CNTN6: variants seen among roughly 807,000 people sequenced by gnomAD.
CNTN6 encodes the protein contactin 6.
Under a neutral mutation model 122.8 loss-of-function variants are expected in CNTN6, and 137 were observed. The observed-to-expected ratio is 1.12, with a 90% CI of 0.97 to 1.29. CNTN6 has a LOEUF of 1.29. Among genes scored for constraint, CNTN6 ranks in the 50% most tolerant of loss-of-function variants. CNTN6 has a pLI of 0.00. For synonymous variants in CNTN6, 570 were observed against 426.0 expected, an observed-to-expected ratio of 1.34 and a Z score of -4.16; for missense variants, 1,634 against 1,223.4, an observed-to-expected ratio of 1.34 and a Z score of -5.01.
At chr3:1,108,206 T>G (rs1191407927) in intron 1 of CNTN6, among the ~76,000 whole-genome samples, 3 of 152,026 alleles carry the variant, frequency 2.0e-5, no homozygotes, top group African/African-American at 7.2e-5. Context: ...ACTCATGGTA[T>G]TAGAAGTTGT....
chr3:1,119,322 C>CGTGTGTGTGTGTGTGTGTGTGTGT (rs369235352), intron 1 of CNTN6, among the ~76,000 whole-genome samples: 7,035 of 126,386 alleles, frequency 0.056, 373 homozygotes, highest in African/African-American at 0.08. Flanking sequence ...ACAGAAAAAT[C>CGTGTGTGTGTGTGTGTGTGTGTGT]GTGTGTGTGT....
chr3:1,232,608 G>A (rs888452507), intron 4 of CNTN6, among the ~76,000 whole-genome samples: 1 of 152,172 alleles, frequency 6.6e-6, no homozygotes, highest in African/African-American at 2.4e-5. Flanking sequence ...TAAGCAGATT[G>A]AGGCACAGAA....
At chr3:1,401,689 T>C (rs1274583234) in intron 21 of CNTN6, 144 bp downstream of exon 21, 1 of 609,562 alleles carries the variant, frequency 1.6e-6, no homozygotes, top group African/African-American at 1.9e-5. Flanking sequence ...ATTGCTGCTT[T>C]CTAATTTTCC....
In CNTN6 at chr3:1,240,759, A is replaced by T. The variant is rs144981512; in HGVS notation, c.358+12766A>T. Among the ~76,000 whole-genome samples, 743 of 152,212 alleles carry T rather than the reference A, an allele frequency of 4.9e-3. 4 individuals carry two copies. Among genetic ancestry groups the T allele is most frequent in the African/African-American group, 0.017 (703 of 41,534 alleles). ...AAATTTCATGTGTGTCCGTGTGAAGAGACCACCAAACAGACTTTGTGTGAG... is the reference window on the plus strand; with the variant it reads ...AAATTTCATGTGTGTCCGTGTGAAGTGACCACCAAACAGACTTTGTGTGAG... On this transcript the variant is annotated intron_variant, in intron 4 of 22. Transcript: ENST00000446702.
chr3:1,342,320 G>C (rs9815667), intron 11 of CNTN6, among the ~76,000 whole-genome samples: 9,108 of 152,120 alleles, frequency 0.06, 547 homozygotes, highest in African/African-American at 0.15. Context: ...AGTAGGGAAG[G>C]GGTTTCACCA....
chr3:1,302,379 A>G (rs908820252), intron 7 of CNTN6, among the ~76,000 whole-genome samples: 1 of 152,178 alleles, frequency 6.6e-6, no homozygotes, highest in Admixed American at 6.5e-5. Flanking sequence ...GACTTGAGGA[A>G]TAAAATCAAA....
chr3:1,209,190 A>G (rs1025680149), intron 2 of CNTN6, among the ~76,000 whole-genome samples: 3 of 152,170 alleles, frequency 2.0e-5, no homozygotes, highest in African/African-American at 7.2e-5. Context: ...TAGATGTCTG[A>G]CTGGACTGAA....
chr3:1,189,650 T>A (rs9840388), intron 2 of CNTN6, among the ~76,000 whole-genome samples: 3 of 151,906 alleles, frequency 2.0e-5, no homozygotes, highest in African/African-American at 7.3e-5. Flanking sequence ...GCCTCCTTCA[T>A]GTCGACTCCA....
Position 1,372,940 on chromosome 3 carries a change from G to A in CNTN6, c.1771G>A (p.Asp591Asn), listed in dbSNP as rs1312559913. ...TTLESLSAVA[D>N]IIVRGPPGPP... ...CCTAGAAAGTTTATCTGCAGTAGCC[G>A]ATATCATTGTTAGAGGTAAGCATAA... The change falls in exon 14 of 23, where the codon GAT becomes AAT. Residue 591 changes from aspartate to asparagine, a missense_variant. By Grantham distance (23) the Asp-to-Asn change is conservative. Transcript: ENST00000446702. The A allele has an allele frequency of 8.2e-6, 13 of 1,576,390 alleles. No individual in the cohort carries two copies. Among genetic ancestry groups the A allele is most frequent in the South Asian group, 2.3e-5 (2 of 88,628 alleles).
intron 20 of CNTN6, among the ~76,000 whole-genome samples, chr3:1,391,871 G>A (rs1219276493): frequency 2.6e-5 from 4 of 152,068 alleles, no homozygotes; most frequent in Non-Finnish European, 4.4e-5. Flanking sequence ...CCTCTTCAAG[G>A]AGAACTGCAA....
At chr3:1,122,310 GA>G (rs558628540) in intron 1 of CNTN6, among the ~76,000 whole-genome samples, 1 of 139,792 alleles carries the variant, frequency 7.2e-6, no homozygotes, top group East Asian at 2.0e-4. Context: ...ATAAATAAAG[GA>G]AAAAAAGGAA....
intron 1 of CNTN6, among the ~76,000 whole-genome samples, chr3:1,133,605 C>T (rs899103347): frequency 6.6e-6 from 1 of 152,168 alleles, no homozygotes; most frequent in African/African-American, 2.4e-5. Context: ...TGACTGCCCC[C>T]TCTTGAGGCG....
chr3:1,373,357 G>C (rs1365587918), intron 14 of CNTN6, among the ~76,000 whole-genome samples: 1 of 152,012 alleles, frequency 6.6e-6, no homozygotes, highest in Non-Finnish European at 1.5e-5. Context: ...CTCAATCTTT[G>C]AGTATAGGTT....
chr3:1,243,047 A>G (rs111456274), intron 4 of CNTN6, among the ~76,000 whole-genome samples: 11,360 of 149,490 alleles, frequency 0.076, 501 homozygotes, highest in East Asian at 0.15. Flanking sequence ...CGGGGCTTCC[A>G]AGGCAATCAG....
intron 1 of CNTN6, among the ~76,000 whole-genome samples, chr3:1,124,957 A>G (rs1001233339): frequency 6.6e-6 from 1 of 151,944 alleles, no homozygotes; most frequent in Non-Finnish European, 1.5e-5. Context: ...TCACTATTGT[A>G]TCTTCAAGAC....
At chr3:1,170,064 G>A (rs1292653224) in intron 2 of CNTN6, among the ~76,000 whole-genome samples, 2 of 151,702 alleles carry the variant, frequency 1.3e-5, no homozygotes, top group Non-Finnish European at 2.9e-5. Flanking sequence ...GTGAAGCCCT[G>A]TCTCTACCAA....
chr3:1,143,387 T>A (rs1358422284), intron 1 of CNTN6, among the ~76,000 whole-genome samples: 1 of 152,102 alleles, frequency 6.6e-6, no homozygotes, highest in East Asian at 1.9e-4. Flanking sequence ...TAAAACAAAA[T>A]GCTGGTGATA....
intron 1 of CNTN6, among the ~76,000 whole-genome samples, chr3:1,102,493 G>A (rs1331485917): frequency 6.6e-6 from 1 of 152,132 alleles, no homozygotes; most frequent in Admixed American, 6.5e-5. Flanking sequence ...CACTTTGGGA[G>A]GCCGAGGTGG....
rs745512300 is a variant in CNTN6 at position 1,278,509 on chromosome 3, G to A, written c.454+1G>A. 4.4e-6 allele frequency: 7 copies of A among 1,607,996 alleles called. No homozygotes were observed. The highest frequency in any genetic ancestry group is 5.1e-6 in the Non-Finnish European group (6 of 1,175,308). ...TGTGGCCCACCGCCACATTTTGGAG[G>A]TATGATGGGGTGATTTGGGTCATAT... On this transcript the variant is annotated splice_donor_variant, in intron 5 of 22. Coordinates refer to ENST00000446702, the MANE Select transcript of CNTN6 (RefSeq NM_001289080.2). LOFTEE classifies it high-confidence loss of function.
Sources: gnomAD v4.1 joint callset for allele counts (sites outside exome capture counted in the v4.1 genomes callset) on GRCh38, gnomAD v4.1.1 for gene constraint, MANE v1.5 for transcripts, NCBI Gene and HGNC (gene_info 2026-07-23, HGNC 2026-07-21) for gene names.